The following SPATA2 variants were observed in gnomAD, a reference collection of about 807,000 sequenced individuals.
SPATA2 encodes the protein spermatogenesis-associated protein 2.
SPATA2 carries 8 observed loss-of-function variants against 35.4 expected under a neutral mutation model. The ratio of observed to expected loss-of-function variants is 0.23; its 90% CI spans 0.13 to 0.41. The LOEUF (loss-of-function observed/expected upper bound fraction) is 0.41. Among genes scored for constraint, SPATA2 ranks in the 10% least tolerant of loss-of-function variants. SPATA2 has a pLI of 1.00. For missense variants in SPATA2, 650 were observed against 698.7 expected (o/e 0.93, Z 0.79); for synonymous variants, 293 against 300.9 (o/e 0.97, Z 0.27).
chr20:49,909,335 C>CT (rs1163901732), intron 1 of SPATA2, among the ~76,000 whole-genome samples: 2 of 151,878 alleles, frequency 1.3e-5, no homozygotes, highest in Non-Finnish European at 2.9e-5. Flanking sequence ...ACTTTTTCTT[C>CT]TTAAACAATC....
At chr20:49,909,438 G>A (rs554337748) in intron 1 of SPATA2, among the ~76,000 whole-genome samples, 1 of 151,696 alleles carries the variant, frequency 6.6e-6, no homozygotes, top group South Asian at 2.1e-4. Flanking sequence ...AGGCACAGTG[G>A]CTCACACCTG....
At chr20:49,910,165 C>A (rs540084681) in intron 1 of SPATA2, among the ~76,000 whole-genome samples, 2 of 152,214 alleles carry the variant, frequency 1.3e-5, no homozygotes, top group African/African-American at 2.4e-5. Flanking sequence ...GGAGACAACA[C>A]GCGCAGGGTC....
At chr20:49,908,942 G>A (rs1242799553) in intron 1 of SPATA2, among the ~76,000 whole-genome samples, 1 of 152,198 alleles carries the variant, frequency 6.6e-6, no homozygotes, top group Non-Finnish European at 1.5e-5. Context: ...CAAGAGGCCG[G>A]GGAAGGAGTC....
rs2646738 is a variant in SPATA2 at position 49,908,124 on chromosome 20, G to A, written c.336+31C>T. ...GCCAGGGGCAGGAAGAGAGAAGGAG[G>A]GCCTGTATGGAGGCTGCTCCAGGAC... On this transcript the variant is annotated intron_variant, in intron 2 of 2. Transcript: ENST00000289431. The A allele has an allele frequency of 4.0e-3, 6,201 of 1,564,230 alleles. 21 individuals carry two copies. Among genetic ancestry groups the A allele is most frequent in the Middle Eastern group, 0.016 (68 of 4,264 alleles).
In SPATA2 at chr20:49,910,334, A is replaced by C. The variant is rs187205278; in HGVS notation, c.-102-1742T>G. Among the ~76,000 whole-genome samples the C allele has an allele frequency of 3.2e-4, 49 of 152,326 alleles. 1 individual carries two copies. Among genetic ancestry groups the C allele is most frequent in the East Asian group, 1.4e-3 (7 of 5,180 alleles). On this transcript the variant is annotated intron_variant, in intron 1 of 2. Coordinates refer to ENST00000289431, the MANE Select transcript of SPATA2 (RefSeq NM_006038.4). ...TCCAGAGCTGGCGAGAGGATTATGC[A>C]TGATGGAATATGAAGCTGCTCAGAG...
intron 2 of SPATA2, among the ~76,000 whole-genome samples, chr20:49,907,282 A>G (rs986190749): frequency 3.3e-5 from 5 of 152,116 alleles, no homozygotes; most frequent in Non-Finnish European, 5.9e-5. Flanking sequence ...GCTGGTCTCA[A>G]ACTCCTGACC....
Position 49,906,697 on chromosome 20 carries a change from A to T in SPATA2, c.485T>A (p.Val162Asp). ...ELVETLQVKMVSFELFLAKVE... is the reference protein window; with the variant it reads ...ELVETLQVKMDSFELFLAKVE... ...TTTGGCCAGAAAGAGCTCAAAGGAG[A>T]CCATCTTCACCTGGAGGGTCTCCAC... The change falls in exon 3 of 3, where the codon GTC becomes GAC. Residue 162 changes from valine (V) to aspartate (D), a missense_variant. Coordinates refer to ENST00000289431, the MANE Select transcript of SPATA2 (RefSeq NM_006038.4). The surrounding 1 kb of genome is among the most constrained non-coding windows in gnomAD (Gnocchi z 8.2). The T allele has an allele frequency of 6.2e-7, 1 of 1,614,138 alleles. No individual in the cohort carries two copies. The highest frequency in any genetic ancestry group is 8.5e-7 in the Non-Finnish European group (1 of 1,180,018).
chr20:49,911,580 T>C (rs1030800629), intron 1 of SPATA2, among the ~76,000 whole-genome samples: 3 of 151,136 alleles, frequency 2.0e-5, no homozygotes, highest in Non-Finnish European at 4.4e-5. Flanking sequence ...GGCAGGAGAA[T>C]TGCTAGAACC....
intron 2 of SPATA2, among the ~76,000 whole-genome samples, chr20:49,907,719 A>T (rs1600854303): frequency 6.6e-6 from 1 of 150,958 alleles, no homozygotes; most frequent in East Asian, 2.0e-4. Context: ...TACTGTTCCC[A>T]CTTAGTACAG....
Position 49,905,379 on chromosome 20 carries a change from C to T in SPATA2, c.*240G>A, listed in dbSNP as rs569575888. 5.1e-4 allele frequency: 281 copies of T among 549,058 alleles called. 2 individuals are homozygous for T. Among genetic ancestry groups the T allele is most frequent in the South Asian group, 4.4e-3 (166 of 37,480 alleles). The allele number at this position is 549,058 out of a possible 1,614,324, so 34.0% of individuals were successfully genotyped here. ...ACTGAACAGGGAGTGGAGAGATTAG[C>T]AAAATGAATCTGAACGGAAGTGCCA... On this transcript the variant is annotated 3_prime_UTR_variant, in exon 3 of 3. Coordinates refer to ENST00000289431, the MANE Select transcript of SPATA2 (RefSeq NM_006038.4).
chr20:49,903,949 ATAT>A lies in SPATA2; in HGVS notation c.*1667_*1669del, dbSNP rs2090124940. ...TATATATATATATATATATATATATATATTAAAAAGAGAGCCATAGAAGATTTG... is the reference window on the plus strand; with the variant it reads ...TATATATATATATATATATATATATATAAAAAGAGAGCCATAGAAGATTTG... On this transcript the variant is annotated 3_prime_UTR_variant, in exon 3 of 3. Coordinates refer to ENST00000289431, the MANE Select transcript of SPATA2 (RefSeq NM_006038.4). 1.1e-4 allele frequency: 13 copies of A among 118,306 alleles called. No homozygotes were observed. Among genetic ancestry groups the A allele is most frequent in the African/African-American group, 1.3e-4 (4 of 31,102 alleles). The allele number at this position is 118,306 out of a possible 1,614,324, so 7.3% of individuals were successfully genotyped here.
rs2090125111 is a variant in SPATA2 at position 49,903,952 on chromosome 20, T to TAA, written c.*1666_*1667insTT. The TAA allele has an allele frequency of 1.9e-5, 2 of 107,516 alleles. No homozygotes were observed. The highest frequency in any genetic ancestry group is 9.4e-5 in the Admixed American group (1 of 10,664). 6.7% of individuals were successfully genotyped at this position (107,516 alleles called of 1,614,324 possible). A position where few individuals can be genotyped will look rare whatever the true frequency, so the allele number is the denominator to read the frequency against. The stretch of plus-strand genomic sequence containing the variant: ...ATATATATATATATATATATATATA[T>TAA]TAAAAAGAGAGCCATAGAAGATTTG... On this transcript the variant is annotated 3_prime_UTR_variant, in exon 3 of 3. Coordinates refer to ENST00000289431, the MANE Select transcript of SPATA2 (RefSeq NM_006038.4).
rs756674465 is a variant in SPATA2, at chr20:49,906,555, G to A, written c.627C>T (p.Asp209=). Residue 209 remains aspartate (D), a synonymous_variant, in exon 3 of 3, where the codon GAC becomes GAT. Transcript: ENST00000289431. The surrounding 1 kb of genome is among the most constrained non-coding windows in gnomAD (Gnocchi z 8.2). Reference sequence around the variant, plus strand: ...GGCCCTCTGCCCGCCGCCGCAGGGCGTCCGAGCAGCCGCGCACATCCTCTG... The same window carrying A: ...GGCCCTCTGCCCGCCGCCGCAGGGCATCCGAGCAGCCGCGCACATCCTCTG... The part of the protein sequence containing the change: ...SSAEDVRGCS[D]ALRRRAEGRE... 3.0e-5 allele frequency: 48 copies of A among 1,613,620 alleles called. 1 individual carries two copies. The Admixed American group carries it at 4.2e-4, about 14-fold the overall frequency.
intron 1 of SPATA2, among the ~76,000 whole-genome samples, chr20:49,910,470 T>C (rs919961896): frequency 6.6e-6 from 1 of 152,144 alleles, no homozygotes; most frequent in Non-Finnish European, 1.5e-5. Context: ...GGGTGGTAGA[T>C]GTGCATTTTC....
chr20:49,908,337 G>A lies in SPATA2; in HGVS notation c.154C>T (p.Leu52=), dbSNP rs369394456. 1 of 1,614,156 alleles carries A rather than the reference G, an allele frequency of 6.2e-7. No individual in the cohort carries two copies. Among genetic ancestry groups the A allele is most frequent in the Non-Finnish European group, 8.5e-7 (1 of 1,180,054 alleles). Residue 52 remains leucine, a synonymous_variant, in exon 2 of 3, where the codon CTG becomes TTG. Transcript: ENST00000289431. ...LRVAASTLLS[L]HKVDPFYRFR... ...CGATAAAAGGGATCCACCTTGTGCA[G>A]GCTGAGCAGGGTTGAGGCTGCCACC...
chr20:49,907,486 C>T (rs1017698101), intron 2 of SPATA2, among the ~76,000 whole-genome samples: 2 of 152,242 alleles, frequency 1.3e-5, no homozygotes, highest in Admixed American at 6.5e-5. Context: ...ACAGGCAGAA[C>T]GCGGTGACAA....
At chr20:49,908,799 G>A (rs1336591861) in intron 1 of SPATA2, among the ~76,000 whole-genome samples, 1 of 152,156 alleles carries the variant, frequency 6.6e-6, no homozygotes, top group African/African-American at 2.4e-5. Context: ...TGAAAAATAC[G>A]ATTAATATTC....
intron 2 of SPATA2, among the ~76,000 whole-genome samples, chr20:49,907,496 A>C (rs2090154827): frequency 6.6e-6 from 1 of 152,158 alleles, no homozygotes; most frequent in South Asian, 2.1e-4. Flanking sequence ...CGCGGTGACA[A>C]TCAGAACGTT....
At chr20:49,909,635 T>G (rs1304196543) in intron 1 of SPATA2, among the ~76,000 whole-genome samples, 5 of 152,094 alleles carry the variant, frequency 3.3e-5, no homozygotes, top group African/African-American at 4.8e-5. Flanking sequence ...CCAGGCAATC[T>G]GGCTCCAAAG....
Sources: gnomAD v4.1 joint callset for allele counts (sites outside exome capture counted in the v4.1 genomes callset) on GRCh38, gnomAD v4.1.1 for gene constraint, Gnocchi (gnomAD v3.1) non-coding constraint, MANE v1.5 for transcripts, NCBI Gene and HGNC (gene_info 2026-07-23, HGNC 2026-07-21) for gene names.